Variants in PRKAR1B observed in about 807,000 individuals in gnomAD.
PRKAR1B encodes the protein protein kinase cAMP-dependent type I regulatory subunit beta, also known as cAMP-dependent protein kinase type I-beta regulatory subunit.
A neutral mutation model predicts 46.5 loss-of-function variants in PRKAR1B; 22 were observed. That is an observed-to-expected ratio of 0.47 (90% confidence interval 0.34 to 0.68). The LOEUF is 0.68. PRKAR1B is among the 30% of genes least tolerant of loss of function. The pLI is 0.01. For synonymous variants in PRKAR1B, 259 were observed against 217.7 expected (o/e 1.19, Z -1.67); for missense variants, 445 against 535.6 (o/e 0.83, Z 1.67).
rs951528630 is a variant in PRKAR1B, at chr7:593,438, G to A, written c.708+2708C>T. ...CGCGGCCAGCTATTCTTAGCGCACA[G>A]GGACCCAAAATTAAAACAGAGGAAG... On this transcript the variant is annotated intron_variant, in intron 7 of 10. Transcript: ENST00000537384. The surrounding 1 kb of genome is among the most constrained non-coding windows in gnomAD (Gnocchi z 6.1). Among the ~76,000 whole-genome samples the A allele has an allele frequency of 6.6e-6, 1 of 152,216 alleles. No homozygotes were observed. The highest frequency in any genetic ancestry group is 1.5e-5 in the Non-Finnish European group (1 of 68,042).
intron 4 of PRKAR1B, among the ~76,000 whole-genome samples, chr7:639,921 T>C (rs1025051942): frequency 6.6e-6 from 1 of 151,150 alleles, no homozygotes; most frequent in Non-Finnish European, 1.5e-5. Context: ...TCCCAGCACT[T>C]TGGGAGGTCA....
Position 667,457 on chromosome 7 carries a change from T to C in PRKAR1B, c.440+9772A>G, listed in dbSNP as rs1785996270. Reference sequence around the variant, plus strand: ...CTGAGTGAGATTGTGTGTGCATGACTGTGTGCATAGGCGTGCCTGGGAATA... The same window carrying C: ...CTGAGTGAGATTGTGTGTGCATGACCGTGTGCATAGGCGTGCCTGGGAATA... On this transcript the variant is annotated intron_variant, in intron 4 of 10. Transcript: ENST00000537384. This position sits in a 1 kb window ranked among gnomAD's most constrained non-coding sequence, Gnocchi z 4.3. Among the ~76,000 whole-genome samples, 1 of 152,208 alleles carries C rather than the reference T, an allele frequency of 6.6e-6. No homozygotes were observed. Among genetic ancestry groups the C allele is most frequent in the Non-Finnish European group, 1.5e-5 (1 of 68,034 alleles).
At chr7:692,355 G>C (rs937962969) in intron 2 of PRKAR1B, among the ~76,000 whole-genome samples, 1 of 152,168 alleles carries the variant, frequency 6.6e-6, no homozygotes, top group Non-Finnish European at 1.5e-5. Context: ...AGCTGAGATC[G>C]CGCCATGGCA....
chr7:677,770 G>T (rs1398708032), intron 3 of PRKAR1B, among the ~76,000 whole-genome samples: 3 of 152,132 alleles, frequency 2.0e-5, no homozygotes, highest in Admixed American at 2.0e-4. Context: ...GTAATGATGG[G>T]GAAGCGTTCT....
chr7:685,231 TAC>T (rs1215815015), intron 2 of PRKAR1B, among the ~76,000 whole-genome samples: 3 of 136,048 alleles, frequency 2.2e-5, no homozygotes, highest in Non-Finnish European at 4.8e-5. Flanking sequence ...TATATATATA[TAC>T]ACACACATAT....
intron 4 of PRKAR1B, among the ~76,000 whole-genome samples, chr7:621,216 A>G (rs983042808): frequency 1.3e-5 from 2 of 152,190 alleles, no homozygotes; most frequent in African/African-American, 4.8e-5. Flanking sequence ...CAGTTTGCTG[A>G]TGTTTGAAAG....
At chr7:651,346 A>T (rs866846077) in intron 4 of PRKAR1B, among the ~76,000 whole-genome samples, 6 of 152,336 alleles carry the variant, frequency 3.9e-5, no homozygotes, top group Middle Eastern at 3.4e-3. Flanking sequence ...CTGAAAATTC[A>T]TACGAGTTCC....
In PRKAR1B at chr7:663,584, G is replaced by A. The variant is rs1489071555; in HGVS notation, c.440+13645C>T. ...CCCTACTAGAAAAGAAAAGGCTCTCGGTCAGGAGGGGAGGGGACGGCTGTG... is the reference window on the plus strand; with the variant it reads ...CCCTACTAGAAAAGAAAAGGCTCTCAGTCAGGAGGGGAGGGGACGGCTGTG... On this transcript the variant is annotated intron_variant, in intron 4 of 10. Coordinates refer to ENST00000537384, the MANE Select transcript of PRKAR1B (RefSeq NM_001164760.2). Among the ~76,000 whole-genome samples, 9 of 152,194 alleles carry A rather than the reference G, an allele frequency of 5.9e-5. No homozygotes were observed. The South Asian group carries it at 1.0e-3, about 18-fold the overall frequency.
chr7:576,023 G>A (rs941307508), intron 9 of PRKAR1B, among the ~76,000 whole-genome samples: 1 of 151,634 alleles, frequency 6.6e-6, no homozygotes, highest in Non-Finnish European at 1.5e-5. Flanking sequence ...GGGTGTGCAT[G>A]CTGGCATCCT....
chr7:655,477 C>T (rs1349596514), intron 4 of PRKAR1B, among the ~76,000 whole-genome samples: 1 of 152,238 alleles, frequency 6.6e-6, no homozygotes, highest in Non-Finnish European at 1.5e-5. Flanking sequence ...CTTCCCTTCT[C>T]AGCATGGCTT....
intron 2 of PRKAR1B, among the ~76,000 whole-genome samples, chr7:696,537 G>C (rs1460852790): frequency 6.6e-6 from 1 of 152,184 alleles, no homozygotes; most frequent in East Asian, 1.9e-4. Flanking sequence ...ATCTCCCAAA[G>C]TGCTGGGATG....
At chr7:579,495 T>G in intron 8 of PRKAR1B, 118 bp from the exon 9 acceptor site, 1 of 1,295,328 alleles carries the variant, frequency 7.7e-7, no homozygotes, top group Non-Finnish European at 1.1e-6. Flanking sequence ...CAACACCAGC[T>G]CCGTGACCAG....
chr7:726,697 T>C, intron 1 of PRKAR1B: 1 of 1,234,110 alleles, frequency 8.1e-7, no homozygotes, highest in Non-Finnish European at 1.0e-6. Context: ...GCTGTTCCCC[T>C]TAGTGACCGG....
intron 6 of PRKAR1B, among the ~76,000 whole-genome samples, chr7:597,182 G>A (rs900464455): frequency 3.9e-5 from 6 of 152,246 alleles, no homozygotes; most frequent in Admixed American, 3.9e-4. Flanking sequence ...TGGCAAAGCA[G>A]TTCCCATTGG....
intron 2 of PRKAR1B, among the ~76,000 whole-genome samples, chr7:688,095 CAAAA>C (rs762256783): frequency 2.9e-5 from 1 of 34,056 alleles, no homozygotes; most frequent in African/African-American, 1.3e-4. Context: ...CACTCCACCT[CAAAA>C]AAAAAAAAAA....
At chr7:559,991 C>T (rs1778686095) in intron 9 of PRKAR1B, among the ~76,000 whole-genome samples, 1 of 152,076 alleles carries the variant, frequency 6.6e-6, no homozygotes, top group Non-Finnish European at 1.5e-5. Flanking sequence ...TCACTGCAGC[C>T]CAGGAGTTGG....
intron 7 of PRKAR1B, among the ~76,000 whole-genome samples, chr7:592,394 C>T (rs1343715789): frequency 2.0e-5 from 3 of 152,244 alleles, no homozygotes; most frequent in African/African-American, 4.8e-5. Context: ...ATTGGCTGTG[C>T]GGAGTCACTC....
chr7:601,345 C>G (rs1484044309), intron 6 of PRKAR1B, among the ~76,000 whole-genome samples: 2 of 152,256 alleles, frequency 1.3e-5, no homozygotes, highest in African/African-American at 4.8e-5. Flanking sequence ...CATGCAGCAC[C>G]CAGGGTTCAC....
intron 4 of PRKAR1B, among the ~76,000 whole-genome samples, chr7:616,261 G>A (rs540641776): frequency 3.3e-5 from 5 of 152,324 alleles, no homozygotes; most frequent in Admixed American, 6.5e-5. Flanking sequence ...AGGTCACTCC[G>A]GACAGACTCG....
Sources: gnomAD v4.1 joint callset for allele counts (sites outside exome capture counted in the v4.1 genomes callset) on GRCh38, gnomAD v4.1.1 for gene constraint, Gnocchi (gnomAD v3.1) non-coding constraint, MANE v1.5 for transcripts, NCBI Gene and HGNC (gene_info 2026-07-23, HGNC 2026-07-21) for gene names.